PPIP5K2: variants seen among roughly 807,000 people sequenced by gnomAD.
PPIP5K2 encodes the protein diphosphoinositol pentakisphosphate kinase 2, also known as inositol hexakisphosphate and diphosphoinositol-pentakisphosphate kinase 2.
In PPIP5K2, 105 loss-of-function variants were observed where a neutral mutation model predicts 154.6. That is an observed-to-expected ratio of 0.68 (90% CI 0.58 to 0.80). PPIP5K2 has a LOEUF of 0.80. Ranked by LOEUF, PPIP5K2 falls within the 30% of genes least tolerant of loss-of-function variation. PPIP5K2 has a pLI of 0.00. For missense variants in PPIP5K2, 992 were observed against 1,504.6 expected (o/e 0.66, Z 5.64); for synonymous variants, 480 against 490.3 (o/e 0.98, Z 0.28).
intron 8 of PPIP5K2, 54 bp from the exon 9 acceptor site, chr5:103,151,197 CTG>C: frequency 1.4e-6 from 2 of 1,442,946 alleles, no homozygotes; most frequent in Non-Finnish European, 1.9e-6. Context: ...GACTAGAAAA[CTG>C]TGAATCTTAA....
At chr5:103,155,809 C>T (rs1057082767) in intron 13 of PPIP5K2, 100 bp from the exon 14 acceptor site, 11 of 775,450 alleles carry the variant, frequency 1.4e-5, no homozygotes, top group African/African-American at 7.1e-5. Flanking sequence ...TAGAATATTT[C>T]GAAGAATTAA....
At chr5:103,121,173 A>T (rs782198461) in intron 1 of PPIP5K2, among the ~76,000 whole-genome samples, 25 of 104,238 alleles carry the variant, frequency 2.4e-4, no homozygotes, top group Non-Finnish European at 3.2e-4. Context: ...TGACCTTAGC[A>T]CGTAAAATCC....
chr5:103,168,897 A>G (rs1049431752), intron 19 of PPIP5K2, among the ~76,000 whole-genome samples: 1 of 151,896 alleles, frequency 6.6e-6, no homozygotes, highest in Non-Finnish European at 1.5e-5. Flanking sequence ...GAATAAATCA[A>G]TTAAGCATTT....
intron 5 of PPIP5K2, among the ~76,000 whole-genome samples, chr5:103,144,352 T>C (rs1554208425): frequency 6.6e-6 from 1 of 152,120 alleles, no homozygotes; most frequent in Non-Finnish European, 1.5e-5. Flanking sequence ...AAAATTGCCA[T>C]ACTACCCAAA....
chr5:103,176,491 G>A (rs1324223470), intron 21 of PPIP5K2, among the ~76,000 whole-genome samples: 2 of 151,600 alleles, frequency 1.3e-5, no homozygotes, highest in Admixed American at 6.6e-5. Context: ...ACACACACAC[G>A]GAATGTATAA....
At chr5:103,144,155 C>CA (rs1793338113) in intron 5 of PPIP5K2, among the ~76,000 whole-genome samples, 1 of 145,260 alleles carries the variant, frequency 6.9e-6, no homozygotes, top group African/African-American at 2.6e-5. Flanking sequence ...GAAAAAGAAA[C>CA]TAAAAAAAAA....
chr5:103,139,475 C>T (rs1554205663), intron 5 of PPIP5K2, among the ~76,000 whole-genome samples: 1 of 152,182 alleles, frequency 6.6e-6, no homozygotes, highest in East Asian at 1.9e-4. Flanking sequence ...CCCCCTAGTG[C>T]TAATACAGCT....
At chr5:103,146,342 T>G (rs1793755328) in intron 5 of PPIP5K2, among the ~76,000 whole-genome samples, 185 bp from the exon 6 acceptor site, 1 of 152,054 alleles carries the variant, frequency 6.6e-6, no homozygotes, top group Non-Finnish European at 1.5e-5. Context: ...TAGCTTTTAA[T>G]GCCATACGTA....
At chr5:103,196,495 A>G (rs1265739722) in intron 30 of PPIP5K2, among the ~76,000 whole-genome samples, 3 of 152,154 alleles carry the variant, frequency 2.0e-5, no homozygotes, top group South Asian at 2.1e-4. Flanking sequence ...TCTTTATATT[A>G]TAAGCATTTT....
chr5:103,143,387 T>G (rs547059814), intron 5 of PPIP5K2, among the ~76,000 whole-genome samples: 55 of 152,294 alleles, frequency 3.6e-4, no homozygotes, highest in African/African-American at 1.2e-3. Flanking sequence ...GATCTCACTG[T>G]GTAGCCCAGG....
At chr5:103,136,689 A>G (rs1554204362) in intron 3 of PPIP5K2, 43 bp from the exon 4 acceptor site, 15 of 1,482,732 alleles carry the variant, frequency 1.0e-5, no homozygotes, top group Non-Finnish European at 1.3e-5. Flanking sequence ...ATAGATGCTT[A>G]TCTTGAGATA....
chr5:103,146,294 A>G (rs1312050013), intron 5 of PPIP5K2, among the ~76,000 whole-genome samples: 1 of 152,036 alleles, frequency 6.6e-6, no homozygotes, highest in African/African-American at 2.4e-5. Context: ...GTGGTGTGGT[A>G]GTGTGAAATG....
intron 5 of PPIP5K2, among the ~76,000 whole-genome samples, chr5:103,144,486 A>G (rs1366677405): frequency 4.6e-5 from 7 of 152,196 alleles, no homozygotes; most frequent in Non-Finnish European, 1.0e-4. Context: ...CTGAGCAAAA[A>G]CAACAAAACT....
Position 103,168,145 on chromosome 5 carries a change from A to C in PPIP5K2, c.2136A>C (p.Lys712Asn), listed in dbSNP as rs115557321. The C allele has an allele frequency of 2.5e-6, 4 of 1,610,532 alleles. No homozygotes were observed. The East Asian group carries it at 9.0e-5, about 36-fold the overall frequency. The change falls in exon 19 of 31, where the codon AAA (lysine) becomes AAC (asparagine). Residue 712 changes from lysine to asparagine, a missense_variant. Physicochemically the swap from Lys to Asn is moderately conservative, Grantham distance 94. This residue lies in a region of PPIP5K2 where 157 missense variants were observed against 281.2 expected (regional missense o/e 0.56). Coordinates refer to ENST00000358359, the MANE Select transcript of PPIP5K2 (RefSeq NM_001276277.3). The stretch of plus-strand genomic sequence containing the variant: ...GGTCCAAGTTAGAGAAAGACTTTAA[A>C]ACAAAGAATGGAAGATATGATATTA... ...RRWSKLEKDF[K>N]TKNGRYDISK...
chr5:103,183,538 ATTT>A, intron 25 of PPIP5K2, 131 bp downstream of exon 25: 1 of 748,674 alleles, frequency 1.3e-6, no homozygotes. Flanking sequence ...TTTTGAGTTC[ATTT>A]AAAAATACTT....
chr5:103,192,764 T>C (rs1425394029), intron 29 of PPIP5K2, among the ~76,000 whole-genome samples: 1 of 152,138 alleles, frequency 6.6e-6, no homozygotes, highest in Non-Finnish European at 1.5e-5. Flanking sequence ...TTAGATTCTT[T>C]TTCCAGTTGT....
chr5:103,185,489 A>G (rs1330779517), intron 26 of PPIP5K2, among the ~76,000 whole-genome samples: 3 of 152,108 alleles, frequency 2.0e-5, no homozygotes, highest in Non-Finnish European at 2.9e-5. Context: ...CTTTAATTTC[A>G]TATAGCTTGT....
In PPIP5K2 at chr5:103,190,795, A is replaced by G. The variant is rs782764613; in HGVS notation, c.3353-47A>G. ...TCTTCCTTTCTAATTACTGATTTTTAAAATATCCATCTTTTATTTTTTGTT... is the reference window on the plus strand; with the variant it reads ...TCTTCCTTTCTAATTACTGATTTTTGAAATATCCATCTTTTATTTTTTGTT... On this transcript the variant is annotated intron_variant, in intron 28 of 30. Transcript: ENST00000358359. 4 of 1,511,706 alleles carry G rather than the reference A, an allele frequency of 2.6e-6. No individual in the cohort carries two copies. The Admixed American group carries it at 8.8e-5, about 33-fold the overall frequency. 93.6% of individuals were successfully genotyped at this position (1,511,706 alleles called of 1,614,324 possible). A position where few individuals can be genotyped will look rare whatever the true frequency, so the allele number is the denominator to read the frequency against.
intron 1 of PPIP5K2, among the ~76,000 whole-genome samples, chr5:103,123,683 A>G (rs2149428230): frequency 6.6e-6 from 1 of 152,360 alleles, no homozygotes; most frequent in Middle Eastern, 3.4e-3. Flanking sequence ...ATCTGTGATA[A>G]GCCCAGTAAC....
Sources: allele counts gnomAD v4.1 joint callset (sites outside exome capture counted in the v4.1 genomes callset), GRCh38; gene constraint gnomAD v4.1.1; regional missense constraint gnomAD v4.1.1; transcripts MANE v1.5; gene names NCBI Gene and HGNC (gene_info 2026-07-23, HGNC 2026-07-21).